PIP4K2A: variants seen among roughly 807,000 people sequenced by gnomAD.
The protein encoded by PIP4K2A is phosphatidylinositol-5-phosphate 4-kinase type 2 alpha, also known as phosphatidylinositol 5-phosphate 4-kinase type-2 alpha.
A neutral mutation model predicts 42.9 loss-of-function variants in PIP4K2A; 14 were observed. The observed-to-expected ratio is 0.33, with a 90% CI of 0.22 to 0.51. The LOEUF (loss-of-function observed/expected upper bound fraction) is 0.51, where lower values mean the gene tolerates loss of function less well. PIP4K2A is among the 20% of genes least tolerant of loss of function. PIP4K2A has a pLI of 0.97. For missense variants in PIP4K2A, 434 were observed against 519.8 expected, an observed-to-expected ratio of 0.83 and a Z score of 1.61; for synonymous variants, 192 against 192.2, an observed-to-expected ratio of 1.00 and a Z score of 0.01.
rs182267145 is a variant in PIP4K2A, at chr10:22,663,284, C to T, written c.144+50899G>A. Among the ~76,000 whole-genome samples the T allele has an allele frequency of 5.9e-5, 9 of 152,290 alleles. No individual in the cohort carries two copies. In the East Asian group the frequency reaches 1.5e-3, roughly 26 times the overall value. ...ATATATATTTGCTAAGGTAGTAAATCGAGGCTTAGTTGAAATAATGTATGC... is the reference window on the plus strand; with the variant it reads ...ATATATATTTGCTAAGGTAGTAAATTGAGGCTTAGTTGAAATAATGTATGC... On this transcript the variant is annotated intron_variant, in intron 1 of 9. Coordinates refer to ENST00000376573, the MANE Select transcript of PIP4K2A (RefSeq NM_005028.5).
At chr10:22,580,086 G>C (rs1837228203) in intron 4 of PIP4K2A, among the ~76,000 whole-genome samples, 1 of 151,712 alleles carries the variant, frequency 6.6e-6, no homozygotes, top group Non-Finnish European at 1.5e-5. Context: ...AGACTTCCAG[G>C]AGCACCTGAT....
chr10:22,561,483 A>G (rs1013156303), intron 6 of PIP4K2A, among the ~76,000 whole-genome samples: 4 of 152,020 alleles, frequency 2.6e-5, no homozygotes, highest in African/African-American at 9.7e-5. Flanking sequence ...TAGAAGTTAT[A>G]ATGACTCATA....
intron 9 of PIP4K2A, 53 bp downstream of exon 9, chr10:22,539,918 A>G (rs768353694): frequency 2.6e-5 from 24 of 909,222 alleles, no homozygotes; most frequent in South Asian, 9.3e-5. Flanking sequence ...AGAGGGAGAG[A>G]GAGAGAGAGA....
At chr10:22,601,530 C>A (rs1004841856) in intron 3 of PIP4K2A, among the ~76,000 whole-genome samples, 2 of 152,290 alleles carry the variant, frequency 1.3e-5, no homozygotes, top group African/African-American at 4.8e-5. Flanking sequence ...AGTTTCCTTC[C>A]AGGGCAGCTA....
At chr10:22,591,308 G>A (rs572884501) in intron 4 of PIP4K2A, among the ~76,000 whole-genome samples, 31 of 152,324 alleles carry the variant, frequency 2.0e-4, no homozygotes, top group Middle Eastern at 3.4e-3. Flanking sequence ...TCTGGCACAG[G>A]CAAAAACTTC....
intron 1 of PIP4K2A, among the ~76,000 whole-genome samples, chr10:22,675,150 A>G (rs748776498): frequency 1.3e-5 from 2 of 152,156 alleles, no homozygotes; most frequent in African/African-American, 2.4e-5. Context: ...CATTCATTCA[A>G]TGTTGATTGG....
intron 1 of PIP4K2A, among the ~76,000 whole-genome samples, chr10:22,664,047 ACATATG>A (rs1325813346): frequency 0.029 from 2,739 of 92,976 alleles, 179 homozygotes; most frequent in African/African-American, 0.11. Flanking sequence ...ATATATATAT[ACATATG>A]TATATATACA....
chr10:22,653,661 C>T (rs1212304158), intron 1 of PIP4K2A, among the ~76,000 whole-genome samples: 2 of 152,128 alleles, frequency 1.3e-5, no homozygotes, highest in African/African-American at 4.8e-5. Flanking sequence ...CCCCTGTAAT[C>T]CCAGCACTTC....
chr10:22,624,590 A>G (rs1280033533), intron 1 of PIP4K2A, among the ~76,000 whole-genome samples: 1 of 152,212 alleles, frequency 6.6e-6, no homozygotes, highest in Non-Finnish European at 1.5e-5. Context: ...TTAGGAGATG[A>G]GTCATGCACT....
intron 3 of PIP4K2A, among the ~76,000 whole-genome samples, chr10:22,595,790 T>C (rs1028939797): frequency 3.3e-5 from 5 of 152,338 alleles, no homozygotes; most frequent in African/African-American, 1.2e-4. Flanking sequence ...TCATCAGTTC[T>C]TGTAGATTGC....
intron 1 of PIP4K2A, chr10:22,661,698 T>C (rs1839208931): frequency 6.6e-6 from 1 of 152,178 alleles, no homozygotes; most frequent in Non-Finnish European, 1.5e-5. Flanking sequence ...ACTAAGCTCC[T>C]TGAGGACAAG....
At chr10:22,567,270 T>C (rs1490254708) in intron 6 of PIP4K2A, among the ~76,000 whole-genome samples, 1 of 152,198 alleles carries the variant, frequency 6.6e-6, no homozygotes, top group Non-Finnish European at 1.5e-5. Flanking sequence ...CACAGTAAAC[T>C]AAATGTGGCT....
intron 5 of PIP4K2A, among the ~76,000 whole-genome samples, chr10:22,572,522 T>C (rs1409032057): frequency 2.0e-5 from 3 of 152,094 alleles, no homozygotes; most frequent in East Asian, 3.9e-4. Context: ...GGAGGACTGC[T>C]TGAGCCAGTG....
At chr10:22,670,713 C>T (rs961300375) in intron 1 of PIP4K2A, among the ~76,000 whole-genome samples, 1 of 152,152 alleles carries the variant, frequency 6.6e-6, no homozygotes, top group African/African-American at 2.4e-5. Flanking sequence ...TCACCACACA[C>T]CCTAGAAATA....
At chr10:22,593,389 A>G (rs983279999) in intron 3 of PIP4K2A, among the ~76,000 whole-genome samples, 7 of 152,250 alleles carry the variant, frequency 4.6e-5, no homozygotes, top group Non-Finnish European at 1.0e-4. Context: ...TTTAAATAGC[A>G]AGACTTGGCA....
intron 4 of PIP4K2A, among the ~76,000 whole-genome samples, chr10:22,580,009 C>A (rs150962924): frequency 6.6e-6 from 1 of 151,952 alleles, no homozygotes; most frequent in African/African-American, 2.4e-5. Flanking sequence ...TCAAGCAGGG[C>A]CAAGATGCAG....
chr10:22,682,356 G>C (rs565083964), intron 1 of PIP4K2A, among the ~76,000 whole-genome samples: 1 of 152,296 alleles, frequency 6.6e-6, no homozygotes, highest in South Asian at 2.1e-4. Flanking sequence ...GGCAATGGTA[G>C]CCCTCAAACC....
intron 1 of PIP4K2A, among the ~76,000 whole-genome samples, chr10:22,625,941 T>C (rs778844361): frequency 3.9e-5 from 6 of 152,086 alleles, no homozygotes; most frequent in Non-Finnish European, 7.4e-5. Flanking sequence ...GAAGAAAAGG[T>C]AGATTCAGAC....
In PIP4K2A at chr10:22,608,030, C is replaced by G. The variant is rs1181960234; in HGVS notation, c.243-7G>C. The G allele has an allele frequency of 1.3e-6, 2 of 1,581,340 alleles. No homozygotes were observed. Among genetic ancestry groups the G allele is most frequent in the Non-Finnish European group, 1.7e-6 (2 of 1,150,928 alleles). ...ATGGCTCGGCATGTTTTCTCTGAAACAGTCACAGCGTGGAATAAAGCTCAG... is the reference window on the plus strand; with the variant it reads ...ATGGCTCGGCATGTTTTCTCTGAAAGAGTCACAGCGTGGAATAAAGCTCAG... On this transcript the variant is annotated splice_polypyrimidine_tract_variant and splice_region_variant and intron_variant, in intron 2 of 9. Coordinates refer to ENST00000376573, the MANE Select transcript of PIP4K2A (RefSeq NM_005028.5).
Sources: gnomAD v4.1 joint callset for allele counts (sites outside exome capture counted in the v4.1 genomes callset) on GRCh38, gnomAD v4.1.1 for gene constraint, MANE v1.5 for transcripts, NCBI Gene and HGNC (gene_info 2026-07-23, HGNC 2026-07-21) for gene names.